Variants in NREP observed in about 807,000 individuals in gnomAD.
NREP encodes the protein neuronal regeneration-related protein.
NREP carries 5 observed loss-of-function variants against 8.6 expected under a neutral mutation model. The observed-to-expected ratio is 0.58, with a 90% CI of 0.30 to 1.22. The LOEUF is 1.22. NREP is among the 50% of genes most tolerant of loss of function. The pLI, the probability that NREP is intolerant of heterozygous loss-of-function variation, is 0.07. For synonymous variants in NREP, 27 were observed against 28.0 expected (o/e 0.96, Z 0.11); for missense variants, 86 against 82.5 (o/e 1.04, Z -0.17).
chr5:111,805,935 C>G (rs1197956474), intron 2 of NREP, among the ~76,000 whole-genome samples: 1 of 151,712 alleles, frequency 6.6e-6, no homozygotes, highest in Non-Finnish European at 1.5e-5. Context: ...GTTCTCATCA[C>G]AAAAATGTAA....
intron 2 of NREP, among the ~76,000 whole-genome samples, chr5:111,872,459 G>T (rs1753812380): frequency 6.6e-6 from 1 of 152,086 alleles, no homozygotes; most frequent in Non-Finnish European, 1.5e-5. Context: ...CAAATATCTG[G>T]ATATCCTCAT....
chr5:111,783,249 A>G (rs1413833474), intron 2 of NREP, among the ~76,000 whole-genome samples: 1 of 152,156 alleles, frequency 6.6e-6, no homozygotes, highest in Non-Finnish European at 1.5e-5. Flanking sequence ...ATCATGTACT[A>G]ACTCCCTGAG....
intron 2 of NREP, among the ~76,000 whole-genome samples, chr5:111,933,020 A>T (rs573062435): frequency 6.6e-6 from 1 of 152,246 alleles, no homozygotes; most frequent in South Asian, 2.1e-4. Flanking sequence ...GATCCTTCAG[A>T]GAGGGAGCTT....
intron 2 of NREP, among the ~76,000 whole-genome samples, chr5:111,843,415 G>A (rs1581159494): frequency 6.6e-6 from 1 of 151,722 alleles, no homozygotes; most frequent in South Asian, 2.1e-4. Flanking sequence ...CTTTTTAATG[G>A]TTTGTATTTA....
At chr5:111,840,113 G>A (rs78908381) in intron 2 of NREP, among the ~76,000 whole-genome samples, 2,950 of 152,024 alleles carry the variant, frequency 0.019, 46 homozygotes, top group Non-Finnish European at 0.027. Flanking sequence ...AATGACGTAA[G>A]TATAAATCAT....
chr5:111,820,732 CTATT>C (rs1561679909), intron 2 of NREP, among the ~76,000 whole-genome samples: 1 of 151,864 alleles, frequency 6.6e-6, no homozygotes, highest in East Asian at 1.9e-4. Context: ...TCATTGGAGA[CTATT>C]TACAAAGCTT....
In NREP at chr5:111,735,501, A is replaced by T; in HGVS notation, c.10T>A (p.Tyr4Asn). 6.2e-7 allele frequency: 1 copy of T among 1,610,520 alleles called. No individual in the cohort carries two copies. Among genetic ancestry groups the T allele is most frequent in the Non-Finnish European group, 8.5e-7 (1 of 1,177,184 alleles). Residue 4 changes from tyrosine (Y) to asparagine (N), a missense_variant, in exon 3 of 4, where the codon TAC becomes AAC. By Grantham distance (143) the Tyr-to-Asn change is moderately radical. Transcript: ENST00000257435. MVY[Y>N]PELFVWVSQE... Reference sequence around the variant, plus strand: ...CTGACCCAGACAAAGAGTTCTGGGTAATAAACCTATAGAGACACAAAAGCA... The same window carrying T: ...CTGACCCAGACAAAGAGTTCTGGGTTATAAACCTATAGAGACACAAAAGCA...
chr5:111,944,421 C>T (rs575309911), intron 2 of NREP, among the ~76,000 whole-genome samples: 1 of 152,192 alleles, frequency 6.6e-6, no homozygotes, highest in African/African-American at 2.4e-5. Flanking sequence ...AATCCCTCCA[C>T]CTAAGACTCC....
intron 1 of NREP, among the ~76,000 whole-genome samples, chr5:111,756,564 C>T (rs981453534): frequency 6.6e-6 from 1 of 152,006 alleles, no homozygotes; most frequent in Admixed American, 6.6e-5. Context: ...CACATAAATG[C>T]ACATCAGATT....
intron 2 of NREP, among the ~76,000 whole-genome samples, chr5:111,808,786 G>T (rs1446994365): frequency 6.6e-6 from 1 of 152,154 alleles, no homozygotes; most frequent in East Asian, 1.9e-4. Context: ...TTATTGTCCA[G>T]TATTGCCACT....
intron 2 of NREP, among the ~76,000 whole-genome samples, chr5:111,790,215 A>G (rs1175774689): frequency 6.6e-6 from 1 of 152,116 alleles, no homozygotes; most frequent in East Asian, 1.9e-4. Flanking sequence ...ACTGACAAAA[A>G]TAAAAGAGAA....
intron 2 of NREP, among the ~76,000 whole-genome samples, chr5:111,842,882 C>T (rs1030099550): frequency 1.3e-5 from 2 of 152,078 alleles, no homozygotes; most frequent in Non-Finnish European, 1.5e-5. Flanking sequence ...TTAGTACTTA[C>T]GATATATTAT....
intron 2 of NREP, among the ~76,000 whole-genome samples, chr5:111,785,734 T>C (rs1433432194): frequency 6.6e-6 from 1 of 152,158 alleles, no homozygotes; most frequent in Non-Finnish European, 1.5e-5. Context: ...ATAGTTAGTA[T>C]GTTTTATTAG....
chr5:111,828,081 A>G (rs988106445), intron 2 of NREP, among the ~76,000 whole-genome samples: 1 of 151,628 alleles, frequency 6.6e-6, no homozygotes, highest in Non-Finnish European at 1.5e-5. Context: ...CCCAGGCTGG[A>G]GTGCAATGGC....
intron 2 of NREP, among the ~76,000 whole-genome samples, chr5:111,880,478 T>C (rs1754025758): frequency 6.6e-6 from 1 of 152,174 alleles, no homozygotes. Flanking sequence ...CATGGCTACT[T>C]CTCATTGTGT....
At chr5:111,916,625 C>G (rs1755067604) in intron 2 of NREP, among the ~76,000 whole-genome samples, 1 of 152,134 alleles carries the variant, frequency 6.6e-6, no homozygotes, top group Non-Finnish European at 1.5e-5. Flanking sequence ...CAAATCTTGG[C>G]TTTCCAATTA....
At chr5:111,772,576 T>C (rs186412695) in intron 2 of NREP, among the ~76,000 whole-genome samples, 2 of 152,012 alleles carry the variant, frequency 1.3e-5, no homozygotes, top group Admixed American at 1.3e-4. Flanking sequence ...TCAGCCTGGC[T>C]CTACTAAAAG....
chr5:111,869,653 G>A (rs1753742792), intron 2 of NREP, among the ~76,000 whole-genome samples: 1 of 152,114 alleles, frequency 6.6e-6, no homozygotes, highest in South Asian at 2.1e-4. Context: ...AAAGAAAACG[G>A]AATCATGAGG....
chr5:111,757,686 C>A, upstream of NREP: 1 of 984,040 alleles, frequency 1.0e-6, no homozygotes, highest in Non-Finnish European at 1.2e-6. Context: ...CCGCGCGGCG[C>A]CCCGGGGAGA....
Sources: allele counts gnomAD v4.1 joint callset (sites outside exome capture counted in the v4.1 genomes callset), GRCh38; gene constraint gnomAD v4.1.1; transcripts MANE v1.5; gene names NCBI Gene and HGNC (gene_info 2026-07-23, HGNC 2026-07-21).